The following RYK variants were observed in gnomAD, a reference collection of about 807,000 sequenced individuals.
RYK encodes the protein receptor like tyrosine kinase.
Under a neutral mutation model 70.2 loss-of-function variants are expected in RYK, and 21 were observed. The observed-to-expected ratio is 0.30, with a 90% CI of 0.21 to 0.43. The LOEUF (loss-of-function observed/expected upper bound fraction) is 0.43, where lower values mean the gene tolerates loss of function less well. RYK is among the 20% of genes least tolerant of loss of function. The probability of loss-of-function intolerance (pLI) is 1.00; values close to 1 mark genes in which losing one functional copy is unlikely to be tolerated. For missense variants in RYK, 604 were observed against 753.3 expected (o/e 0.80, Z 2.32); for synonymous variants, 267 against 278.0 (o/e 0.96, Z 0.39).
At chr3:134,239,453 C>A (rs994639125) in intron 1 of RYK, among the ~76,000 whole-genome samples, 8 of 151,902 alleles carry the variant, frequency 5.3e-5, no homozygotes, top group African/African-American at 1.7e-4. Context: ...CAAAGAGAGA[C>A]CCTGTCTCAA....
At chr3:134,213,895 C>T (rs1412354204) in intron 2 of RYK, among the ~76,000 whole-genome samples, 1 of 152,160 alleles carries the variant, frequency 6.6e-6, no homozygotes, top group African/African-American at 2.4e-5. Context: ...CCTCCACCTC[C>T]TGGGTTCAAG....
At chr3:134,181,144 T>G (rs2013280949) in intron 10 of RYK, 1 of 152,216 alleles carries the variant, frequency 6.6e-6, no homozygotes, top group South Asian at 2.1e-4. Flanking sequence ...GATGCAAACC[T>G]TTCACTGGGG....
intron 1 of RYK, among the ~76,000 whole-genome samples, chr3:134,244,931 A>C (rs1046592433): frequency 6.6e-6 from 1 of 152,192 alleles, no homozygotes; most frequent in African/African-American, 2.4e-5. Context: ...TGCCCCTTCC[A>C]CCATGTGAGA....
At chr3:134,231,578 C>T (rs557801938) in intron 1 of RYK, among the ~76,000 whole-genome samples, 1 of 152,254 alleles carries the variant, frequency 6.6e-6, no homozygotes, top group African/African-American at 2.4e-5. Context: ...GCACCCTGGC[C>T]GTCCACCCCT....
Position 134,183,079 on chromosome 3 carries a change from T to C in RYK, c.1103-8A>G, listed in dbSNP as rs372745960. On this transcript the variant is annotated splice_region_variant and splice_polypyrimidine_tract_variant and intron_variant, in intron 9 of 14. Coordinates refer to ENST00000623711, the MANE Select transcript of RYK (RefSeq NM_002958.4). ...GAATTTCAGAAGCTTGATCTATATA[T>C]AAAGAAAAGAAAATGTCTTGAATAA... 21 of 1,537,402 alleles carry C rather than the reference T, an allele frequency of 1.4e-5. No individual in the cohort carries two copies. Among genetic ancestry groups the C allele is most frequent in the African/African-American group, 8.3e-5 (6 of 72,696 alleles).
intron 7 of RYK, among the ~76,000 whole-genome samples, chr3:134,192,883 G>A (rs1356517798): frequency 1.3e-5 from 2 of 152,296 alleles, no homozygotes; most frequent in East Asian, 1.9e-4. Context: ...GTCTAGGTGT[G>A]TGAGTATATG....
chr3:134,231,726 G>A (rs987399080), intron 1 of RYK, among the ~76,000 whole-genome samples: 3 of 152,086 alleles, frequency 2.0e-5, no homozygotes, highest in African/African-American at 7.2e-5. Flanking sequence ...TACCCTCAGT[G>A]GACACTGCCC....
At chr3:134,209,913 G>T in intron 3 of RYK, 84 bp from the exon 4 acceptor site, 1 of 1,059,696 alleles carries the variant, frequency 9.4e-7, no homozygotes, top group Non-Finnish European at 1.3e-6. Context: ...AAACATTTTA[G>T]AATTACTTAT....
At chr3:134,171,115 A>C in intron 13 of RYK, 1 of 152,190 alleles carries the variant, frequency 6.6e-6, no homozygotes, top group Admixed American at 6.6e-5. Context: ...CAAACTAAAT[A>C]ACTAACTAAA....
At chr3:134,161,210 A>G (rs981538034) in intron 13 of RYK, among the ~76,000 whole-genome samples, 1 of 152,242 alleles carries the variant, frequency 6.6e-6, no homozygotes, top group Non-Finnish European at 1.5e-5. Flanking sequence ...AACCAGTTTG[A>G]AGACTGGAAG....
At position 134,175,953 on chromosome 3, in the gene RYK, T is replaced by C. The variant is rs771054559; in HGVS notation, c.1392A>G (p.Lys464=). The stretch of plus-strand genomic sequence containing the variant: ...ACACACAGTTCCTGGCAGCCAGGTC[T>C]TTGTGGATGACTTCCCTTCTGGCCA... ...SYLARREVIH[K]DLAARNCVID... Residue 464 remains lysine (K), a synonymous_variant, in exon 12 of 15, where the codon AAA becomes AAG. Transcript: ENST00000623711. 3 of 1,609,058 alleles carry C rather than the reference T, an allele frequency of 1.9e-6. No individual in the cohort carries two copies. Among genetic ancestry groups the C allele is most frequent in the Non-Finnish European group, 2.5e-6 (3 of 1,177,380 alleles).
At chr3:134,244,747 T>C (rs954252926) in intron 1 of RYK, among the ~76,000 whole-genome samples, 5 of 152,176 alleles carry the variant, frequency 3.3e-5, no homozygotes, top group Admixed American at 2.6e-4. Context: ...ACATACCTAC[T>C]CTAAGATTAT....
intron 6 of RYK, 177 bp downstream of exon 6, chr3:134,202,553 T>A (rs2014059054): frequency 1.9e-6 from 1 of 532,392 alleles, no homozygotes; most frequent in Non-Finnish European, 3.2e-6. Context: ...TTTTAAAAAA[T>A]AAAAATAAAA....
At chr3:134,220,892 A>G (rs571546460) in intron 2 of RYK, among the ~76,000 whole-genome samples, 48 of 152,360 alleles carry the variant, frequency 3.2e-4, no homozygotes, top group African/African-American at 1.1e-3. Context: ...GAAGGGAAGC[A>G]TTGTTTGAAA....
intron 13 of RYK, among the ~76,000 whole-genome samples, chr3:134,165,427 T>C (rs2012630316): frequency 6.6e-6 from 1 of 152,216 alleles, no homozygotes; most frequent in African/African-American, 2.4e-5. Context: ...CCTTGTCTTG[T>C]TCCTGGTATT....
chr3:134,183,287 T>C (rs2013358451), intron 9 of RYK: 1 of 335,206 alleles, frequency 3.0e-6, no homozygotes, highest in South Asian at 1.1e-4. Context: ...ATCAATTAAG[T>C]TTCCATAAAC....
At chr3:134,165,033 A>G (rs990037468) in intron 13 of RYK, among the ~76,000 whole-genome samples, 2 of 152,232 alleles carry the variant, frequency 1.3e-5, no homozygotes, top group Non-Finnish European at 2.9e-5. Context: ...TTTTCTGACC[A>G]AGGCAAAAAG....
Position 134,184,961 on chromosome 3 carries a change from CAA to C in RYK, c.1103-1892_1103-1891del, listed in dbSNP as rs34543975. On this transcript the variant is annotated intron_variant, in intron 9 of 14. Transcript: ENST00000623711. The stretch of plus-strand genomic sequence containing the variant: ...GCAACATGGTGAAACCCCATCTCTA[CAA>C]AAAAAAAAAAAAAAAAAAAAAATTA... Among the ~76,000 whole-genome samples, 512 of 80,082 alleles carry C rather than the reference CAA, an allele frequency of 6.4e-3. 2 individuals are homozygous for C. Among genetic ancestry groups the C allele is most frequent in the African/African-American group, 0.021 (446 of 20,898 alleles). 52.5% of individuals were successfully genotyped at this position (80,082 alleles called of 152,430 possible). A position where few individuals can be genotyped will look rare whatever the true frequency, so the allele number is the denominator to read the frequency against.
At chr3:134,237,906 G>T (rs545944548) in intron 1 of RYK, among the ~76,000 whole-genome samples, 297 of 152,194 alleles carry the variant, frequency 2.0e-3, no homozygotes, top group African/African-American at 6.8e-3. Flanking sequence ...TGAGGACAGT[G>T]GTAATATGAG....
Sources: gnomAD v4.1 joint callset for allele counts (sites outside exome capture counted in the v4.1 genomes callset) on GRCh38, gnomAD v4.1.1 for gene constraint, MANE v1.5 for transcripts, NCBI Gene and HGNC (gene_info 2026-07-23, HGNC 2026-07-21) for gene names.